Variants in DCC observed in about 807,000 individuals in gnomAD.
DCC encodes the protein DCC netrin 1 receptor, also known as netrin receptor DCC.
In DCC, 58 loss-of-function variants were observed where a neutral mutation model predicts 172.5. That is an observed-to-expected ratio of 0.34 (90% CI 0.27 to 0.42). The LOEUF is 0.42. Among genes scored for constraint, DCC ranks in the 10% least tolerant of loss-of-function variants. The pLI, the probability that DCC is intolerant of heterozygous loss-of-function variation, is 1.00. For synonymous variants in DCC, 709 were observed against 644.5 expected (o/e 1.10, Z -1.52); for missense variants, 1,740 against 1,791.0 (o/e 0.97, Z 0.51).
At chr18:53,016,621 ATATT>A (rs1335627156) in intron 5 of DCC, among the ~76,000 whole-genome samples, 6 of 152,224 alleles carry the variant, frequency 3.9e-5, no homozygotes, top group African/African-American at 1.4e-4. Context: ...AGCTAAATAT[ATATT>A]AAAATTTTAA....
chr18:52,749,416 G>C (rs922214793), intron 1 of DCC, among the ~76,000 whole-genome samples: 2 of 152,228 alleles, frequency 1.3e-5, no homozygotes, highest in East Asian at 3.9e-4. Context: ...AACATGAGCT[G>C]AAACTTAGAA....
intron 5 of DCC, among the ~76,000 whole-genome samples, chr18:53,030,355 T>G (rs8088299): frequency 0.68 from 104,069 of 151,938 alleles, 37,559 homozygotes; most frequent in African/African-American, 0.9. Context: ...CCACATAATA[T>G]ATACTCAATA....
At chr18:52,847,111 A>G (rs966587773) in intron 2 of DCC, among the ~76,000 whole-genome samples, 2 of 152,190 alleles carry the variant, frequency 1.3e-5, no homozygotes, top group East Asian at 3.8e-4. Context: ...TCTATTCCTT[A>G]TGTAAAATCC....
rs973740092 is a variant in DCC at position 52,784,143 on chromosome 18, CT to C, written c.412+31776del. ...CTAGTGTATAAGTCCATGAGATCAA[CT>C]TTTTTTGCTCCCACATGTAATTGAG... On this transcript the variant is annotated intron_variant, in intron 2 of 28. Transcript: ENST00000442544. Among the ~76,000 whole-genome samples, 5 of 152,114 alleles carry C rather than the reference CT, an allele frequency of 3.3e-5. No individual in the cohort carries two copies. In the South Asian group the frequency reaches 1.0e-3, roughly 32 times the overall value.
intron 1 of DCC, among the ~76,000 whole-genome samples, chr18:52,653,447 T>C (rs1001980955): frequency 2.6e-5 from 4 of 152,224 alleles, no homozygotes; most frequent in Non-Finnish European, 5.9e-5. Flanking sequence ...AATTGCACCA[T>C]GTTTGAATTA....
chr18:52,630,342 T>C (rs2144878446), intron 1 of DCC, among the ~76,000 whole-genome samples: 1 of 152,320 alleles, frequency 6.6e-6, no homozygotes, highest in Admixed American at 6.5e-5. Context: ...GCCTGAATGA[T>C]CTAAATGTGA....
chr18:52,582,710 G>T lies in DCC; in HGVS notation c.92-169344G>T, dbSNP rs188399560. Among the ~76,000 whole-genome samples, 362 of 152,252 alleles carry T rather than the reference G, an allele frequency of 2.4e-3. 3 individuals carry two copies. Among genetic ancestry groups the T allele is most frequent in the Non-Finnish European group, 2.0e-3 (133 of 68,014 alleles). The stretch of plus-strand genomic sequence containing the variant: ...CTTTGATGGCTTCAATATATCAGAA[G>T]GGGGCAGCCTTTCGTGTAAAGTTCC... On this transcript the variant is annotated intron_variant, in intron 1 of 28. Coordinates refer to ENST00000442544, the MANE Select transcript of DCC (RefSeq NM_005215.4).
At chr18:53,269,174 A>G (rs1266699410) in intron 12 of DCC, among the ~76,000 whole-genome samples, 1 of 152,052 alleles carries the variant, frequency 6.6e-6, no homozygotes, top group African/African-American at 2.4e-5. Context: ...TTTTTCTTTT[A>G]GCTTGCTTGA....
At chr18:52,921,303 ACTAT>A (rs1299337229) in intron 3 of DCC, among the ~76,000 whole-genome samples, 4 of 152,206 alleles carry the variant, frequency 2.6e-5, no homozygotes, top group African/African-American at 4.8e-5. Context: ...GATACTCTGA[ACTAT>A]CTATCTGTTC....
intron 5 of DCC, among the ~76,000 whole-genome samples, chr18:52,965,334 T>C (rs541790627): frequency 6.6e-6 from 1 of 152,200 alleles, no homozygotes; most frequent in South Asian, 2.1e-4. Flanking sequence ...AGAAAGGACA[T>C]GCTTGATTTT....
intron 3 of DCC, among the ~76,000 whole-genome samples, chr18:52,912,484 G>C (rs2039984059): frequency 6.6e-6 from 1 of 151,904 alleles, no homozygotes; most frequent in Non-Finnish European, 1.5e-5. Flanking sequence ...TGTAGTCCTA[G>C]CACATTTCTG....
intron 1 of DCC, among the ~76,000 whole-genome samples, chr18:52,648,321 A>T (rs903209734): frequency 2.0e-5 from 3 of 152,238 alleles, no homozygotes; most frequent in Admixed American, 2.0e-4. Context: ...CGTGAGAACC[A>T]GTTGTTAAAC....
intron 5 of DCC, among the ~76,000 whole-genome samples, chr18:53,043,879 G>A (rs931101461): frequency 6.6e-6 from 1 of 151,818 alleles, no homozygotes; most frequent in African/African-American, 2.4e-5. Context: ...TCACTATTCT[G>A]TGATGCCATT....
intron 1 of DCC, among the ~76,000 whole-genome samples, chr18:52,599,836 CA>C (rs201830229): frequency 6.0e-5 from 9 of 150,254 alleles, no homozygotes; most frequent in Non-Finnish European, 8.9e-5. Flanking sequence ...TTTTAAAAAG[CA>C]AAAAAAAATC....
At chr18:52,871,652 G>A (rs550834820) in intron 2 of DCC, among the ~76,000 whole-genome samples, 1 of 152,176 alleles carries the variant, frequency 6.6e-6, no homozygotes, top group African/African-American at 2.4e-5. Context: ...ACAGGGTCTT[G>A]TCATCTTGCC....
At chr18:53,317,025 G>A (rs371346787) in intron 13 of DCC, among the ~76,000 whole-genome samples, 4 of 152,268 alleles carry the variant, frequency 2.6e-5, no homozygotes, top group African/African-American at 9.6e-5. Flanking sequence ...GTCTTGTGCC[G>A]GCTTTCAAAG....
chr18:53,388,188 G>A (rs1395606225), intron 16 of DCC, among the ~76,000 whole-genome samples: 1 of 152,192 alleles, frequency 6.6e-6, no homozygotes, highest in Non-Finnish European at 1.5e-5. Context: ...TAAGGGGTTC[G>A]AGAAGAATGC....
At chr18:53,412,532 T>C (rs1204857847) in intron 20 of DCC, among the ~76,000 whole-genome samples, 2 of 152,124 alleles carry the variant, frequency 1.3e-5, no homozygotes, top group African/African-American at 4.8e-5. Context: ...TATTGCTCTC[T>C]GATTTAAGAT....
At chr18:53,189,536 T>G (rs2144507914) in intron 9 of DCC, among the ~76,000 whole-genome samples, 1 of 152,292 alleles carries the variant, frequency 6.6e-6, no homozygotes, top group South Asian at 2.1e-4. Flanking sequence ...ATACATACAT[T>G]AATTAGCAAG....
Sources: allele counts gnomAD v4.1 joint callset (sites outside exome capture counted in the v4.1 genomes callset), GRCh38; gene constraint gnomAD v4.1.1; transcripts MANE v1.5; gene names NCBI Gene and HGNC (gene_info 2026-07-23, HGNC 2026-07-21).